The following RBMS3 variants were observed in gnomAD, a reference collection of about 807,000 sequenced individuals.
RBMS3 encodes RNA-binding motif, single-stranded-interacting protein 3.
A neutral mutation model predicts 66.8 loss-of-function variants in RBMS3; 27 were observed. The ratio of observed to expected loss-of-function variants is 0.40; its 90% CI spans 0.30 to 0.56. The LOEUF is 0.56. Ranked by LOEUF, RBMS3 falls within the 20% of genes least tolerant of loss-of-function variation. The pLI is 0.40. For synonymous variants in RBMS3, 188 were observed against 183.0 expected (o/e 1.03, Z -0.22); for missense variants, 513 against 549.5 (o/e 0.93, Z 0.66).
At position 29,899,151 on chromosome 3, in the gene RBMS3, C is replaced by T. The variant is rs142152201; in HGVS notation, c.889-554C>T. On this transcript the variant is annotated intron_variant, in intron 9 of 14. Transcript: ENST00000383767. Reference sequence around the variant, plus strand: ...ACATACTCATTTTTATGTGTTATACCAATTACCATGAGCGAAAATAATTAC... The same window carrying T: ...ACATACTCATTTTTATGTGTTATACTAATTACCATGAGCGAAAATAATTAC... Among the ~76,000 whole-genome samples the T allele has an allele frequency of 2.6e-5, 4 of 151,714 alleles. No homozygotes were observed. In the East Asian group the frequency reaches 7.8e-4, roughly 30 times the overall value.
chr3:29,764,974 G>GTATGAT (rs1299210966), intron 6 of RBMS3, among the ~76,000 whole-genome samples: 4 of 151,970 alleles, frequency 2.6e-5, no homozygotes, highest in African/African-American at 9.7e-5. Context: ...GTATGCTTCT[G>GTATGAT]AGATTTCCAC....
chr3:29,933,740 G>A (rs2149684685), intron 10 of RBMS3: 1 of 152,110 alleles, frequency 6.6e-6, no homozygotes, highest in South Asian at 2.1e-4. Context: ...TTTCCACTCT[G>A]TGCCTAGTGT....
intron 3 of RBMS3, among the ~76,000 whole-genome samples, chr3:29,578,796 T>TCAC (rs1450593375): frequency 8.6e-6 from 1 of 116,744 alleles, no homozygotes; most frequent in South Asian, 3.6e-4. Flanking sequence ...GCTTCTTTTT[T>TCAC]TTTTTTTTTT....
chr3:29,497,839 G>C (rs529161565), intron 3 of RBMS3, among the ~76,000 whole-genome samples: 1 of 152,128 alleles, frequency 6.6e-6, no homozygotes, highest in East Asian at 1.9e-4. Flanking sequence ...CTCTGTCTCT[G>C]AGACCCTTTG....
chr3:29,845,366 C>G (rs1164205683), intron 6 of RBMS3, among the ~76,000 whole-genome samples: 1 of 152,048 alleles, frequency 6.6e-6, no homozygotes, highest in Non-Finnish European at 1.5e-5. Context: ...TTATAGTGAC[C>G]AAATGAAATA....
chr3:29,697,793 C>T (rs2052348574), intron 4 of RBMS3, among the ~76,000 whole-genome samples: 2 of 152,128 alleles, frequency 1.3e-5, no homozygotes, highest in South Asian at 2.1e-4. Context: ...TTCTGCGACC[C>T]ACCACATAAG....
chr3:29,309,862 A>G (rs1486186845), intron 1 of RBMS3, among the ~76,000 whole-genome samples: 1 of 151,656 alleles, frequency 6.6e-6, no homozygotes, highest in African/African-American at 2.4e-5. Context: ...GTGAAAACTC[A>G]GAAGTGAGAA....
At chr3:29,401,925 A>C (rs1350521344) in intron 1 of RBMS3, among the ~76,000 whole-genome samples, 1 of 152,036 alleles carries the variant, frequency 6.6e-6, no homozygotes, top group Non-Finnish European at 1.5e-5. Flanking sequence ...AAATTAGAGA[A>C]AGACAGCTTT....
chr3:29,751,124 G>A, intron 5 of RBMS3, among the ~76,000 whole-genome samples: 1 of 152,072 alleles, frequency 6.6e-6, no homozygotes, highest in East Asian at 1.9e-4. Flanking sequence ...AAGACAACAT[G>A]AGGGAAACTC....
intron 6 of RBMS3, among the ~76,000 whole-genome samples, chr3:29,778,647 A>C (rs1559661528): frequency 6.6e-6 from 1 of 151,826 alleles, no homozygotes; most frequent in Non-Finnish European, 1.5e-5. Context: ...GATTGACCCC[A>C]GGATTTAATT....
At chr3:29,327,201 C>T (rs2035391034) in intron 1 of RBMS3, among the ~76,000 whole-genome samples, 1 of 152,086 alleles carries the variant, frequency 6.6e-6, no homozygotes, top group African/African-American at 2.4e-5. Flanking sequence ...GCCATAAGGA[C>T]ATGATTTAGT....
intron 12 of RBMS3, among the ~76,000 whole-genome samples, chr3:29,965,223 TC>T (rs1218329598): frequency 1.3e-5 from 2 of 152,198 alleles, no homozygotes; most frequent in Non-Finnish European, 1.5e-5. Flanking sequence ...ATTATTTTTT[TC>T]CTCTGGGTAG....
At chr3:29,499,360 A>G (rs2043878052) in intron 3 of RBMS3, among the ~76,000 whole-genome samples, 1 of 152,146 alleles carries the variant, frequency 6.6e-6, no homozygotes, top group East Asian at 1.9e-4. Context: ...GGTATGAAAG[A>G]GAAAAACTCA....
chr3:29,452,010 C>G (rs770789350), intron 2 of RBMS3, among the ~76,000 whole-genome samples: 2 of 152,136 alleles, frequency 1.3e-5, no homozygotes, highest in Non-Finnish European at 2.9e-5. Context: ...TTTGCATGAA[C>G]AAACACAAAT....
chr3:29,578,012 A>G (rs1215361977), intron 3 of RBMS3, among the ~76,000 whole-genome samples: 1 of 152,186 alleles, frequency 6.6e-6, no homozygotes, highest in Non-Finnish European at 1.5e-5. Context: ...TTTATCAACT[A>G]TTTATTTTAG....
intron 1 of RBMS3, among the ~76,000 whole-genome samples, chr3:29,337,584 A>T (rs1188979425): frequency 6.6e-6 from 1 of 151,976 alleles, no homozygotes; most frequent in East Asian, 1.9e-4. Flanking sequence ...AGGTTGAGGG[A>T]ACTGTGGGCT....
At chr3:29,691,947 C>CTCTTTTTTTTTTTTTTTTT (rs1218393454) in intron 4 of RBMS3, among the ~76,000 whole-genome samples, 1 of 53,546 alleles carries the variant, frequency 1.9e-5, no homozygotes. Context: ...CTCTCTCTCT[C>CTCTTTTTTTTTTTTTTTTT]TATTTTTTTT....
chr3:29,592,696 G>T (rs1440733347), intron 4 of RBMS3, among the ~76,000 whole-genome samples: 2 of 152,064 alleles, frequency 1.3e-5, no homozygotes, highest in African/African-American at 4.8e-5. Context: ...CTGCTATGAA[G>T]ACACATGCAC....
intron 4 of RBMS3, among the ~76,000 whole-genome samples, chr3:29,696,608 G>A (rs1306548096): frequency 2.0e-5 from 3 of 152,162 alleles, no homozygotes; most frequent in Non-Finnish European, 4.4e-5. Context: ...GCCAGAACAT[G>A]AAAAGTTAGA....
Sources: gnomAD v4.1 joint callset for allele counts (sites outside exome capture counted in the v4.1 genomes callset) on GRCh38, gnomAD v4.1.1 for gene constraint, MANE v1.5 for transcripts, NCBI Gene and HGNC (gene_info 2026-07-23, HGNC 2026-07-21) for gene names.